The following SLC5A4 variants were observed in gnomAD, a reference collection of about 807,000 sequenced individuals.
The protein encoded by SLC5A4 is solute carrier family 5 member 4.
Under a neutral mutation model 70.3 loss-of-function variants are expected in SLC5A4, and 55 were observed. The ratio of observed to expected loss-of-function variants is 0.78; its 90% CI spans 0.63 to 0.98. SLC5A4 has a LOEUF of 0.98. Ranked by LOEUF, SLC5A4 falls within the 50% of genes least tolerant of loss-of-function variation. SLC5A4 has a pLI of 0.00. For synonymous variants in SLC5A4, 268 were observed against 305.7 expected (o/e 0.88, Z 1.29); for missense variants, 735 against 839.2 (o/e 0.88, Z 1.53).
chr22:32,256,735 CA>C (rs1429362446), upstream of SLC5A4, among the ~76,000 whole-genome samples: 1 of 152,190 alleles, frequency 6.6e-6, no homozygotes, highest in Non-Finnish European at 1.5e-5. Flanking sequence ...CATATTGTAG[CA>C]TGTATCAGAA....
the SLC5A4 span, among the ~76,000 whole-genome samples, chr22:32,283,568 T>C: frequency 7.9e-5 from 12 of 152,206 alleles, no homozygotes; most frequent in African/African-American, 2.7e-4. Flanking sequence ...AATTTTAAAC[T>C]ACCTATTTGA....
intron 3 of SLC5A4, among the ~76,000 whole-genome samples, chr22:32,249,236 CAG>C (rs1348793955): frequency 3.3e-5 from 5 of 152,174 alleles, no homozygotes; most frequent in African/African-American, 7.2e-5. Flanking sequence ...GCAATTTTTA[CAG>C]AGAGTCTTCA....
the SLC5A4 span, among the ~76,000 whole-genome samples, chr22:32,330,469 G>C: frequency 7.5e-6 from 1 of 133,694 alleles, no homozygotes; most frequent in African/African-American, 2.9e-5. Context: ...GTGTGTGTGT[G>C]TGTTGGAGGC....
chr22:32,249,321 G>A (rs566987697), intron 3 of SLC5A4, among the ~76,000 whole-genome samples: 3 of 152,192 alleles, frequency 2.0e-5, no homozygotes, highest in African/African-American at 4.8e-5. Context: ...ATCTTAGAGA[G>A]GGGGAACTTG....
intron 13 of SLC5A4, among the ~76,000 whole-genome samples, chr22:32,221,875 C>T (rs1444458795): frequency 5.9e-5 from 9 of 152,142 alleles, no homozygotes; most frequent in African/African-American, 1.9e-4. Flanking sequence ...CTCAGCCTCA[C>T]GAGTAGCTGG....
the SLC5A4 span, among the ~76,000 whole-genome samples, chr22:32,277,867 A>G: frequency 2.6e-5 from 4 of 152,280 alleles, 1 homozygote; most frequent in South Asian, 6.2e-4. Context: ...GTTTTATTTT[A>G]AAGTTCTATT....
chr22:32,321,613 C>A, the SLC5A4 span, among the ~76,000 whole-genome samples: 17,671 of 152,236 alleles, frequency 0.12, 1,387 homozygotes, highest in Non-Finnish European at 0.18. Context: ...TCCTCCCCCT[C>A]CTCCCACCTT....
intron 5 of SLC5A4, among the ~76,000 whole-genome samples, chr22:32,240,912 A>C (rs1467617900): frequency 2.0e-5 from 3 of 152,264 alleles, no homozygotes; most frequent in Non-Finnish European, 4.4e-5. Flanking sequence ...GAACACTTAG[A>C]GAAGTATAGA....
chr22:32,334,009 C>T, the SLC5A4 span, among the ~76,000 whole-genome samples: 4 of 150,788 alleles, frequency 2.7e-5, no homozygotes, highest in African/African-American at 7.4e-5. Flanking sequence ...ACACACACTA[C>T]ACCATGCCAG....
chr22:32,242,995 A>C (rs1926623910), intron 5 of SLC5A4, among the ~76,000 whole-genome samples: 1 of 152,212 alleles, frequency 6.6e-6, no homozygotes, highest in Non-Finnish European at 1.5e-5. Context: ...GGTTTAAAGG[A>C]TCTGTCACAG....
chr22:32,221,057 A>C lies in SLC5A4; in HGVS notation c.1666-35T>G, dbSNP rs376014629. The C allele has an allele frequency of 6.0e-4, 816 of 1,367,958 alleles. 19 individuals are homozygous for C. In the South Asian group the frequency reaches 9.2e-3, roughly 15 times the overall value. 84.7% of individuals were successfully genotyped at this position (1,367,958 alleles called of 1,614,324 possible). ...GACCATACAAAAGTGCATTAGTAAT[A>C]GGCAAATGTTTGCAATAGTATAATA... is the stretch of plus-strand genomic sequence containing the variant. On this transcript the variant is annotated intron_variant, in intron 13 of 14. Coordinates refer to ENST00000266086, the MANE Select transcript of SLC5A4 (RefSeq NM_014227.3).
chr22:32,260,747 A>T, the SLC5A4 span, among the ~76,000 whole-genome samples: 1 of 152,174 alleles, frequency 6.6e-6, no homozygotes, highest in African/African-American at 2.4e-5. Flanking sequence ...CGGAAAACGG[A>T]TGGAGACAAA....
chr22:32,285,330 G>A, the SLC5A4 span, among the ~76,000 whole-genome samples: 1 of 152,114 alleles, frequency 6.6e-6, no homozygotes. Flanking sequence ...TTTTCAGATT[G>A]CTTTCAACAG....
the SLC5A4 span, among the ~76,000 whole-genome samples, chr22:32,298,986 A>C: frequency 3.2e-5 from 4 of 126,914 alleles, no homozygotes; most frequent in South Asian, 1.1e-3. Flanking sequence ...ATTGGCCCCC[A>C]CTCTCTTCTG....
At chr22:32,229,370 C>T (rs903138066) in intron 10 of SLC5A4, 26 bp from the exon 11 acceptor site, 2 of 1,610,804 alleles carry the variant, frequency 1.2e-6, no homozygotes, top group Non-Finnish European at 1.7e-6. Flanking sequence ...GGTACAAGCA[C>T]TGGTTAGTGG....
the SLC5A4 span, among the ~76,000 whole-genome samples, chr22:32,262,778 AT>A: frequency 0.025 from 3,717 of 150,844 alleles, 168 homozygotes; most frequent in African/African-American, 0.086. Context: ...TTTTATTTTT[AT>A]TTTTTTTTGA....
chr22:32,336,208 G>A, the SLC5A4 span, among the ~76,000 whole-genome samples: 8 of 152,088 alleles, frequency 5.3e-5, no homozygotes, highest in Admixed American at 1.3e-4. Flanking sequence ...CTCTCTGTAG[G>A]ATCTCGCGTC....
At chr22:32,239,532 AT>A (rs1417467756) in intron 5 of SLC5A4, among the ~76,000 whole-genome samples, 1 of 10,056 alleles carries the variant, frequency 9.9e-5, no homozygotes, top group African/African-American at 1.2e-3. Flanking sequence ...ATATATATAT[AT>A]ATATATATAT....
At chr22:32,303,365 G>C in the SLC5A4 span, among the ~76,000 whole-genome samples, 12 of 152,222 alleles carry the variant, frequency 7.9e-5, no homozygotes, top group Non-Finnish European at 1.6e-4. Context: ...TTGAGTCTCT[G>C]ATCAGCCAGC....
Sources: gnomAD v4.1 joint callset for allele counts (sites outside exome capture counted in the v4.1 genomes callset) on GRCh38, gnomAD v4.1.1 for gene constraint, MANE v1.5 for transcripts, NCBI Gene and HGNC (gene_info 2026-07-23, HGNC 2026-07-21) for gene names.